Variants in MPP7 observed in about 807,000 individuals in gnomAD.
The protein encoded by MPP7 is MAGUK p55 subfamily member 7.
MPP7 carries 60 observed loss-of-function variants against 76.5 expected under a neutral mutation model. The observed-to-expected ratio is 0.78, with a 90% CI of 0.64 to 0.97. The LOEUF (loss-of-function observed/expected upper bound fraction) is 0.97, where lower values mean the gene tolerates loss of function less well. Ranked by LOEUF, MPP7 falls within the 50% of genes least tolerant of loss-of-function variation. The pLI, the probability that MPP7 is intolerant of heterozygous loss-of-function variation, is 0.00. For synonymous variants in MPP7, 237 were observed against 244.5 expected, an observed-to-expected ratio of 0.97 and a Z score of 0.29; for missense variants, 641 against 694.0, an observed-to-expected ratio of 0.92 and a Z score of 0.86.
At chr10:28,177,984 C>T (rs180786346) in intron 3 of MPP7, among the ~76,000 whole-genome samples, 158 of 152,222 alleles carry the variant, frequency 1.0e-3, no homozygotes, top group South Asian at 7.9e-3. Context: ...AACTGAAGAG[C>T]CATGGAGAAA....
In MPP7 at chr10:28,238,549, C is replaced by T; in HGVS notation, c.37+19G>A. The T allele has an allele frequency of 6.2e-7, 1 of 1,613,400 alleles. No individual in the cohort carries two copies. The highest frequency in any genetic ancestry group is 8.5e-7 in the Non-Finnish European group (1 of 1,179,396). Reference sequence around the variant, plus strand: ...TAAGCAAAGATGGAATGAGAACTGCCCCTCTTGGGGTCACATACCAGTGTC... The same window carrying T: ...TAAGCAAAGATGGAATGAGAACTGCTCCTCTTGGGGTCACATACCAGTGTC... On this transcript the variant is annotated intron_variant, in intron 2 of 16. Transcript: ENST00000683449.
Position 28,237,132 on chromosome 10 carries a change from A to G in MPP7, c.37+1436T>C, listed in dbSNP as rs559938099. Reference sequence around the variant, plus strand: ...AAATACTCCATTTTAATCCTCCTTCAAGTTATATGTAAGCAACGATATTTT... The same window carrying G: ...AAATACTCCATTTTAATCCTCCTTCGAGTTATATGTAAGCAACGATATTTT... On this transcript the variant is annotated intron_variant, in intron 2 of 16. Transcript: ENST00000683449. 4.1e-4 allele frequency among the ~76,000 whole-genome samples: 63 copies of G among 152,322 alleles called. 1 individual carries two copies. In the South Asian group the frequency reaches 6.4e-3, roughly 16 times the overall value.
intron 11 of MPP7, among the ~76,000 whole-genome samples, chr10:28,108,922 A>T (rs1256388927): frequency 6.6e-6 from 1 of 152,118 alleles, no homozygotes; most frequent in Non-Finnish European, 1.5e-5. Flanking sequence ...ATAAGGCTTA[A>T]TTATATTTGG....
intron 1 of MPP7, among the ~76,000 whole-genome samples, chr10:28,294,362 G>C (rs745362460): frequency 6.6e-6 from 1 of 152,204 alleles, no homozygotes; most frequent in Non-Finnish European, 1.5e-5. Flanking sequence ...ACAGGCGACA[G>C]TGTGTTCTAA....
intron 1 of MPP7, among the ~76,000 whole-genome samples, chr10:28,247,713 C>T (rs1295132179): frequency 6.6e-6 from 1 of 152,142 alleles, no homozygotes; most frequent in African/African-American, 2.4e-5. Flanking sequence ...AATTCAAAAT[C>T]CTAATGTTAT....
chr10:28,154,370 C>T (rs1835981701), intron 3 of MPP7, among the ~76,000 whole-genome samples: 1 of 152,176 alleles, frequency 6.6e-6, no homozygotes, highest in East Asian at 1.9e-4. Context: ...TTTGCTCAAG[C>T]TACACAGTCA....
intron 3 of MPP7, among the ~76,000 whole-genome samples, chr10:28,174,981 T>C (rs913510377): frequency 1.3e-5 from 2 of 152,192 alleles, no homozygotes; most frequent in African/African-American, 2.4e-5. Flanking sequence ...ACATCCTGCA[T>C]GGTTCCATTT....
intron 2 of MPP7, among the ~76,000 whole-genome samples, chr10:28,224,015 G>C (rs1838606134): frequency 1.3e-5 from 2 of 151,554 alleles, no homozygotes; most frequent in Admixed American, 1.3e-4. Flanking sequence ...AGCCAACATG[G>C]TGAAACCCCA....
intron 2 of MPP7, among the ~76,000 whole-genome samples, chr10:28,226,329 C>G (rs2134089633): frequency 6.6e-6 from 1 of 152,214 alleles, no homozygotes; most frequent in African/African-American, 2.4e-5. Flanking sequence ...TCACTGCAAC[C>G]TCCACCTCCC....
chr10:28,069,964 C>T, intron 12 of MPP7, 112 bp from the exon 13 acceptor site: 1 of 693,312 alleles, frequency 1.4e-6, no homozygotes, highest in East Asian at 2.7e-5. Context: ...GCTTTGCATC[C>T]TAAGTAAAGA....
rs71391013 is a variant in MPP7, at chr10:28,155,598, C to CAAAAAAAAAAAA, written c.157-5540_157-5539insTTTTTTTTTTTT. ...GGGCAACAGAGCCAGACCCTGTCTCCAAAAAAAAAAAGAAAGAAAAAGAAA... is the reference window on the plus strand; with the variant it reads ...GGGCAACAGAGCCAGACCCTGTCTCCAAAAAAAAAAAAAAAAAAAAAAAGAAAGAAAAAGAAA... On this transcript the variant is annotated intron_variant, in intron 3 of 16. Coordinates refer to ENST00000683449, the MANE Select transcript of MPP7 (RefSeq NM_001318170.2). Among the ~76,000 whole-genome samples the CAAAAAAAAAAAA allele has an allele frequency of 5.1e-4, 64 of 124,618 alleles. 2 individuals carry two copies. The highest frequency in any genetic ancestry group is 1.9e-3 in the African/African-American group (58 of 30,472). The allele number at this position is 124,618 out of a possible 152,430, so 81.8% of individuals were successfully genotyped here.
chr10:28,121,809 A>AT (rs201149831), intron 8 of MPP7, among the ~76,000 whole-genome samples: 74 of 144,430 alleles, frequency 5.1e-4, no homozygotes, highest in East Asian at 4.0e-3. Flanking sequence ...GACTCCATTT[A>AT]TTTAAAAAAA....
rs535392457 is a variant in MPP7 at position 28,208,347 on chromosome 10, A to T, written c.38-6076T>A. On this transcript the variant is annotated intron_variant, in intron 2 of 16. Coordinates refer to ENST00000683449, the MANE Select transcript of MPP7 (RefSeq NM_001318170.2). Reference sequence around the variant, plus strand: ...GGCTGGCAGGCAGGAAACCATTTTTAGTCCTGGCATAGCAGGACTAAAAAG... The same window carrying T: ...GGCTGGCAGGCAGGAAACCATTTTTTGTCCTGGCATAGCAGGACTAAAAAG... 2.6e-5 allele frequency among the ~76,000 whole-genome samples: 4 copies of T among 152,322 alleles called. No homozygotes were observed. The South Asian group carries it at 6.2e-4, about 24-fold the overall frequency.
intron 12 of MPP7, among the ~76,000 whole-genome samples, chr10:28,082,070 G>A (rs1246748304): frequency 6.6e-6 from 1 of 152,138 alleles, no homozygotes; most frequent in African/African-American, 2.4e-5. Flanking sequence ...TATTTCCAAG[G>A]AGGACTATGA....
chr10:28,295,320 G>A (rs1376785755), intron 1 of MPP7, among the ~76,000 whole-genome samples: 1 of 152,016 alleles, frequency 6.6e-6, no homozygotes, highest in Admixed American at 6.5e-5. Flanking sequence ...TTGACAAAAT[G>A]CCTAATCTCT....
intron 2 of MPP7, among the ~76,000 whole-genome samples, chr10:28,229,733 C>T (rs1232388574): frequency 6.6e-6 from 1 of 151,782 alleles, no homozygotes; most frequent in African/African-American, 2.4e-5. Context: ...ACTAAAAATA[C>T]AAAAAATTAG....
rs184634597 is a variant in MPP7, at chr10:28,269,608, C to T, written c.-131-30873G>A. On this transcript the variant is annotated intron_variant, in intron 1 of 16. Coordinates refer to ENST00000683449, the MANE Select transcript of MPP7 (RefSeq NM_001318170.2). ...GTGGCATGATCAAAGCTCACTGCAG[C>T]CTCCAACTCCTGGCCTCAAGTGATC... 7.6e-4 allele frequency among the ~76,000 whole-genome samples: 115 copies of T among 151,510 alleles called. 1 individual carries two copies. In the Middle Eastern group the frequency reaches 0.01, roughly 13 times the overall value.
In MPP7 at chr10:28,214,819, C is replaced by T. The variant is rs528387200; in HGVS notation, c.38-12548G>A. Reference sequence around the variant, plus strand: ...CCTTCTTGCCTGGGGACCAGTCCACCTTGCAGTACTAACAAATTAGCTACA... The same window carrying T: ...CCTTCTTGCCTGGGGACCAGTCCACTTTGCAGTACTAACAAATTAGCTACA... On this transcript the variant is annotated intron_variant, in intron 2 of 16. Transcript: ENST00000683449. Among the ~76,000 whole-genome samples, 7 of 152,300 alleles carry T rather than the reference C, an allele frequency of 4.6e-5. No homozygotes were observed. In the East Asian group the frequency reaches 1.4e-3, roughly 29 times the overall value.
intron 1 of MPP7, among the ~76,000 whole-genome samples, chr10:28,332,460 A>G (rs985004839): frequency 6.6e-6 from 1 of 152,188 alleles, no homozygotes; most frequent in South Asian, 2.1e-4. Context: ...GTTTACACAC[A>G]TTTTGTGATC....
Sources: allele counts gnomAD v4.1 joint callset (sites outside exome capture counted in the v4.1 genomes callset), GRCh38; gene constraint gnomAD v4.1.1; transcripts MANE v1.5; gene names NCBI Gene and HGNC (gene_info 2026-07-23, HGNC 2026-07-21).